The following CLEC18A variants were observed in gnomAD, a reference collection of about 807,000 sequenced individuals.
The protein encoded by CLEC18A is mannose receptor-like 1.
Under a neutral mutation model 24.0 loss-of-function variants are expected in CLEC18A, and 5 were observed. The ratio of observed to expected loss-of-function variants is 0.21; its 90% CI spans 0.11 to 0.44. CLEC18A has a LOEUF of 0.44. Ranked by LOEUF, CLEC18A falls within the 20% of genes least tolerant of loss-of-function variation. The probability of loss-of-function intolerance (pLI) is 0.99; values close to 1 mark genes in which losing one functional copy is unlikely to be tolerated. For missense variants in CLEC18A, 83 were observed against 233.4 expected (o/e 0.36, Z 4.20); for synonymous variants, 29 against 100.1 (o/e 0.29, Z 4.24).
chr16:69,954,752 C>CAA (rs2059011090), intron 3 of CLEC18A, among the ~76,000 whole-genome samples, 179 bp downstream of exon 3: 1 of 151,996 alleles, frequency 6.6e-6, no homozygotes, highest in African/African-American at 2.4e-5. Context: ...GGCTAGAGTG[C>CAA]AGTGGCGTGA....
chr16:69,948,372 A>AT (rs954613580), upstream of CLEC18A, among the ~76,000 whole-genome samples: 1 of 36,288 alleles, frequency 2.8e-5, no homozygotes, highest in African/African-American at 2.6e-4. Context: ...CTAGAGTTAA[A>AT]TGTTTTTTTT....
intron 3 of CLEC18A, 117 bp downstream of exon 3, chr16:69,954,690 G>A: frequency 6.7e-7 from 1 of 1,497,684 alleles, no homozygotes; most frequent in Non-Finnish European, 8.9e-7. Flanking sequence ...CCTCCAATTG[G>A]TTTAGTTTTA....
intron 3 of CLEC18A, among the ~76,000 whole-genome samples, chr16:69,955,497 C>T (rs1353739044): frequency 2.0e-5 from 3 of 151,496 alleles, no homozygotes; most frequent in African/African-American, 4.9e-5. Context: ...ACTACAGGCA[C>T]GAGCCACCAC....
At chr16:69,965,448 A>G (rs71260084), downstream of CLEC18A, among the ~76,000 whole-genome samples, 18 of 151,976 alleles carry the variant, frequency 1.2e-4, no homozygotes, top group South Asian at 4.2e-4. Flanking sequence ...CGCCCTGCGC[A>G]TGCCCGCGGG....
upstream of CLEC18A, among the ~76,000 whole-genome samples, chr16:69,946,709 TG>T (rs1475681620): frequency 3.3e-5 from 5 of 149,898 alleles, no homozygotes; most frequent in African/African-American, 1.2e-4. Flanking sequence ...TGGCCATGTG[TG>T]GAACTGTTTC....
At chr16:69,943,743 G>A in the CLEC18A span, among the ~76,000 whole-genome samples, 13 of 147,186 alleles carry the variant, frequency 8.8e-5, 1 homozygote, top group East Asian at 2.0e-4. Context: ...AGCTGATATA[G>A]CCATGCCTCT....
At chr16:69,945,652 T>C in the CLEC18A span, among the ~76,000 whole-genome samples, 1 of 152,286 alleles carries the variant, frequency 6.6e-6, no homozygotes, top group Admixed American at 6.5e-5. Context: ...TCAATTGCTT[T>C]AAAATAAACA....
intron 2 of CLEC18A, chr16:69,953,840 G>GA (rs2058992764): frequency 5.6e-6 from 1 of 177,048 alleles, no homozygotes; most frequent in African/African-American, 2.4e-5. Context: ...AAAGAAGAGG[G>GA]AGGGGGCGGG....
At chr16:69,966,428 G>A (rs539396026), downstream of CLEC18A, among the ~76,000 whole-genome samples, 18 of 133,494 alleles carry the variant, frequency 1.3e-4, no homozygotes, top group Non-Finnish European at 2.4e-4. Flanking sequence ...AAGAAGCCGC[G>A]GCCAAAACCC....
downstream of CLEC18A, among the ~76,000 whole-genome samples, chr16:69,966,502 G>C (rs1440374360): frequency 1.4e-5 from 2 of 142,416 alleles, no homozygotes; most frequent in African/African-American, 2.7e-5. Context: ...TCCCACCAGC[G>C]CCAAGACAGC....
chr16:69,964,582 C>G (rs1423123831), downstream of CLEC18A: 2 of 150,880 alleles, frequency 1.3e-5, no homozygotes, highest in Non-Finnish European at 2.9e-5. Context: ...TCACTGCAAG[C>G]TCCGCCTCCC....
intron 3 of CLEC18A, among the ~76,000 whole-genome samples, chr16:69,956,692 G>C (rs2059040361): frequency 2.2e-5 from 2 of 91,142 alleles, no homozygotes; most frequent in South Asian, 8.8e-4. Context: ...TCAAAGGTGT[G>C]AAAAACCTAA....
At chr16:69,953,651 C>T (rs1230138143) in intron 2 of CLEC18A, 2 of 134,580 alleles carry the variant, frequency 1.5e-5, no homozygotes, top group East Asian at 2.0e-4. Context: ...CCCGTCTCTA[C>T]TAAAAATACA....
chr16:69,956,520 T>C (rs2059038249), intron 3 of CLEC18A, among the ~76,000 whole-genome samples: 1 of 107,828 alleles, frequency 9.3e-6, no homozygotes. Flanking sequence ...CACACCCGGC[T>C]ATTTTTTTGT....
At chr16:69,952,678 G>T (rs896367863) in intron 2 of CLEC18A, 1 of 151,398 alleles carries the variant, frequency 6.6e-6, no homozygotes, top group East Asian at 2.0e-4. Context: ...CCACCAGCCC[G>T]GCTGGGGCTG....
At chr16:69,965,419 C>T (rs1444856361), downstream of CLEC18A, among the ~76,000 whole-genome samples, 2 of 152,036 alleles carry the variant, frequency 1.3e-5, no homozygotes, top group African/African-American at 2.4e-5. Flanking sequence ...GGGGCCACGG[C>T]CGCAGCGCCC....
At chr16:69,950,993 C>T (rs926177925), upstream of CLEC18A, 5 of 257,536 alleles carry the variant, frequency 1.9e-5, no homozygotes, top group African/African-American at 4.4e-5. Flanking sequence ...ACACGGCCAT[C>T]GGTCACTAAT....
At chr16:69,949,146 T>C, upstream of CLEC18A, among the ~76,000 whole-genome samples, 1 of 128,016 alleles carries the variant, frequency 7.8e-6, no homozygotes, top group Non-Finnish European at 1.6e-5. Context: ...GAGACAGGAT[T>C]TCACCATGTT....
At position 69,954,578 on chromosome 16, in the gene CLEC18A, G is replaced by C; in HGVS notation, c.456+5G>C. Reference sequence around the variant, plus strand: ...ACCTGCACCCACTACACGCAGGTGAGTGTGCTGCAGGTGAGGCCAGTGTGC... The same window carrying C: ...ACCTGCACCCACTACACGCAGGTGACTGTGCTGCAGGTGAGGCCAGTGTGC... On this transcript the variant is annotated splice_donor_5th_base_variant and intron_variant, in intron 3 of 11. Coordinates refer to ENST00000288040, the MANE Select transcript of CLEC18A (RefSeq NM_001370523.4). The C allele has an allele frequency of 6.2e-7, 1 of 1,609,908 alleles. No homozygotes were observed.
Sources: gnomAD v4.1 joint callset for allele counts (sites outside exome capture counted in the v4.1 genomes callset) on GRCh38, gnomAD v4.1.1 for gene constraint, MANE v1.5 for transcripts, NCBI Gene and HGNC (gene_info 2026-07-23, HGNC 2026-07-21) for gene names.